RSRC1: variants seen among roughly 807,000 people sequenced by gnomAD.
The protein encoded by RSRC1 is serine/Arginine-related protein 53.
A neutral mutation model predicts 49.1 loss-of-function variants in RSRC1; 39 were observed. The observed-to-expected ratio is 0.79, with a 90% CI of 0.61 to 1.04. The LOEUF (loss-of-function observed/expected upper bound fraction) is 1.04. Ranked by LOEUF, RSRC1 falls within the 50% of genes least tolerant of loss-of-function variation. The probability of loss-of-function intolerance (pLI) is 0.00; values close to 1 mark genes in which losing one functional copy is unlikely to be tolerated. For missense variants in RSRC1, 388 were observed against 402.4 expected (o/e 0.96, Z 0.31); for synonymous variants, 143 against 130.8 (o/e 1.09, Z -0.63).
intron 7 of RSRC1, among the ~76,000 whole-genome samples, chr3:158,499,148 C>A (rs553710924): frequency 1.3e-5 from 2 of 152,032 alleles, no homozygotes; most frequent in Non-Finnish European, 2.9e-5. Flanking sequence ...GAAGCCGAGG[C>A]GGACTGGTCA....
intron 6 of RSRC1, among the ~76,000 whole-genome samples, chr3:158,443,001 G>T (rs910330817): frequency 6.6e-6 from 1 of 152,068 alleles, no homozygotes; most frequent in Non-Finnish European, 1.5e-5. Context: ...CTGAGCAACA[G>T]ATCTCAACAG....
chr3:158,441,215 T>C (rs941254898), intron 6 of RSRC1, among the ~76,000 whole-genome samples: 3 of 152,144 alleles, frequency 2.0e-5, no homozygotes, highest in Non-Finnish European at 2.9e-5. Flanking sequence ...GTATCTTTAC[T>C]TTCTGACTTC....
At chr3:158,437,988 A>C (rs149636754) in intron 6 of RSRC1, among the ~76,000 whole-genome samples, 4 of 152,220 alleles carry the variant, frequency 2.6e-5, no homozygotes, top group African/African-American at 4.8e-5. Flanking sequence ...TACAAAATCA[A>C]TGTGCGAAAA....
rs1384768040 is a variant in RSRC1, at chr3:158,245,554, G to A, written c.494+42309G>A. On this transcript the variant is annotated intron_variant, in intron 4 of 9. Transcript: ENST00000611884. ...TCAGGTCCACTTATTCCAAAGCTAA[G>A]TTAATGTCCTGAATATCTTAGTTAA... Among the ~76,000 whole-genome samples the A allele has an allele frequency of 8.5e-5, 13 of 152,284 alleles. No homozygotes were observed. The South Asian group carries it at 2.1e-3, about 24-fold the overall frequency.
chr3:158,290,500 T>A (rs867726219), intron 4 of RSRC1, among the ~76,000 whole-genome samples: 1 of 152,058 alleles, frequency 6.6e-6, no homozygotes, highest in Non-Finnish European at 1.5e-5. Context: ...TGGTCTCGAT[T>A]TCCTGACCTC....
chr3:158,447,855 C>T (rs973865912), intron 6 of RSRC1, among the ~76,000 whole-genome samples: 1 of 151,670 alleles, frequency 6.6e-6, no homozygotes, highest in African/African-American at 2.4e-5. Context: ...CTATCACATC[C>T]CATCCTTGAT....
intron 4 of RSRC1, among the ~76,000 whole-genome samples, chr3:158,267,909 T>G (rs2108049063): frequency 6.8e-6 from 1 of 147,972 alleles, no homozygotes; most frequent in Non-Finnish European, 1.5e-5. Context: ...CACTCTGGAT[T>G]CAGCTGTATT....
intron 6 of RSRC1, among the ~76,000 whole-genome samples, chr3:158,450,394 T>C (rs1736962677): frequency 6.6e-6 from 1 of 151,532 alleles, no homozygotes; most frequent in Non-Finnish European, 1.5e-5. Flanking sequence ...AATTGCAATT[T>C]CATATTTGTA....
chr3:158,521,253 C>T (rs1576605252), intron 7 of RSRC1, among the ~76,000 whole-genome samples: 1 of 152,076 alleles, frequency 6.6e-6, no homozygotes, highest in Admixed American at 6.5e-5. Flanking sequence ...ACTGTCATCC[C>T]ACGCTAGTCA....
chr3:158,227,964 A>G (rs1468039260), intron 4 of RSRC1, among the ~76,000 whole-genome samples: 1 of 152,112 alleles, frequency 6.6e-6, no homozygotes, highest in Non-Finnish European at 1.5e-5. Context: ...TGTATAGAAT[A>G]GTGCTCTCCA....
intron 1 of RSRC1, among the ~76,000 whole-genome samples, chr3:158,115,084 A>G (rs1648161034): frequency 6.6e-6 from 1 of 152,136 alleles, no homozygotes; most frequent in African/African-American, 2.4e-5. Flanking sequence ...CTGGTTTTCA[A>G]GAGGAATTCT....
intron 3 of RSRC1, among the ~76,000 whole-genome samples, chr3:158,154,130 A>G (rs1578141013): frequency 6.6e-6 from 1 of 152,236 alleles, no homozygotes; most frequent in Admixed American, 6.5e-5. Flanking sequence ...CAGTGCATAT[A>G]GAAGTTATGT....
intron 1 of RSRC1, among the ~76,000 whole-genome samples, chr3:158,114,673 C>T (rs1202866810): frequency 2.0e-5 from 3 of 152,098 alleles, no homozygotes; most frequent in East Asian, 3.9e-4. Context: ...TCTCTGATTT[C>T]CTTGAGCAGT....
At chr3:158,413,728 G>T (rs919107135) in intron 6 of RSRC1, among the ~76,000 whole-genome samples, 2 of 151,800 alleles carry the variant, frequency 1.3e-5, no homozygotes, top group East Asian at 3.9e-4. Context: ...CAAAAAACAT[G>T]AAAAAAACCT....
At chr3:158,460,545 C>T (rs750520598) in intron 6 of RSRC1, among the ~76,000 whole-genome samples, 2 of 151,840 alleles carry the variant, frequency 1.3e-5, no homozygotes, top group Non-Finnish European at 3.0e-5. Context: ...GTATTGCAAG[C>T]TTCTTACATT....
chr3:158,452,327 G>A (rs745873311), intron 6 of RSRC1, among the ~76,000 whole-genome samples: 73 of 152,068 alleles, frequency 4.8e-4, no homozygotes, highest in Non-Finnish European at 6.9e-4. Flanking sequence ...GAAATTATTG[G>A]AAAATAGTAC....
chr3:158,208,564 T>C (rs192143962), intron 4 of RSRC1, among the ~76,000 whole-genome samples: 36 of 152,248 alleles, frequency 2.4e-4, no homozygotes. Context: ...TGAGATAAAG[T>C]CTCACTATGT....
At chr3:158,427,682 C>A (rs1735526896) in intron 6 of RSRC1, among the ~76,000 whole-genome samples, 1 of 151,666 alleles carries the variant, frequency 6.6e-6, no homozygotes, top group South Asian at 2.1e-4. Flanking sequence ...TAGTGTATTT[C>A]TTTTTCCTTA....
At chr3:158,475,053 G>A (rs1320486101) in intron 7 of RSRC1, among the ~76,000 whole-genome samples, 1 of 151,918 alleles carries the variant, frequency 6.6e-6, no homozygotes, top group East Asian at 1.9e-4. Context: ...TAGCTGGGAC[G>A]ACAGGCGAGC....
Sources: gnomAD v4.1 joint callset for allele counts (sites outside exome capture counted in the v4.1 genomes callset) on GRCh38, gnomAD v4.1.1 for gene constraint, MANE v1.5 for transcripts, NCBI Gene and HGNC (gene_info 2026-07-23, HGNC 2026-07-21) for gene names.